Variants in ADAMTS6 observed in about 807,000 individuals in gnomAD.
The protein encoded by ADAMTS6 is ADAM metallopeptidase with thrombospondin type 1 motif 6.
ADAMTS6 carries 23 observed loss-of-function variants against 144.3 expected under a neutral mutation model. That is an observed-to-expected ratio of 0.16 (90% CI 0.11 to 0.23). ADAMTS6 has a LOEUF of 0.23. ADAMTS6 is among the 10% of genes least tolerant of loss of function. ADAMTS6 has a pLI of 1.00. For synonymous variants in ADAMTS6, 444 were observed against 457.5 expected (o/e 0.97, Z 0.38); for missense variants, 999 against 1,379.6 (o/e 0.72, Z 4.37).
chr5:65,329,226 T>G (rs112644613), intron 9 of ADAMTS6, 152 bp downstream of exon 9: 1 of 648,848 alleles, frequency 1.5e-6, no homozygotes, highest in Admixed American at 3.3e-5. Context: ...CTTCAGGTGA[T>G]TTATCCCAAT....
At chr5:65,480,845 G>A (rs1351350145) in intron 1 of ADAMTS6, among the ~76,000 whole-genome samples, 4 of 151,984 alleles carry the variant, frequency 2.6e-5, no homozygotes, top group East Asian at 1.9e-4. Flanking sequence ...CTAGAGCATC[G>A]GGGCTACAGC....
Position 65,247,139 on chromosome 5 carries a change from T to C in ADAMTS6, c.1831-4933A>G, listed in dbSNP as rs192027716. 1.9e-3 allele frequency among the ~76,000 whole-genome samples: 284 copies of C among 152,270 alleles called. 2 individuals are homozygous for C. The highest frequency in any genetic ancestry group is 6.5e-3 in the African/African-American group (272 of 41,552). The stretch of plus-strand genomic sequence containing the variant: ...GCGTCTTCTCCTTTAAAAAACAAAC[T>C]AGCAGGGCCCCACATAAATCTGGAG... On this transcript the variant is annotated intron_variant, in intron 14 of 24. Coordinates refer to ENST00000381055, the MANE Select transcript of ADAMTS6 (RefSeq NM_197941.4).
At chr5:65,195,194 A>G (rs908579398) in intron 21 of ADAMTS6, among the ~76,000 whole-genome samples, 3 of 152,228 alleles carry the variant, frequency 2.0e-5, no homozygotes, top group Non-Finnish European at 4.4e-5. Flanking sequence ...AAATTGGCCC[A>G]TGGATTTTGA....
At chr5:65,391,841 T>C (rs1752946837) in intron 7 of ADAMTS6, among the ~76,000 whole-genome samples, 1 of 151,884 alleles carries the variant, frequency 6.6e-6, no homozygotes, top group Non-Finnish European at 1.5e-5. Context: ...ATTCAAGCAA[T>C]TCCCATGCCT....
At chr5:65,338,902 T>C (rs546979615) in intron 7 of ADAMTS6, among the ~76,000 whole-genome samples, 1 of 151,330 alleles carries the variant, frequency 6.6e-6, no homozygotes, top group African/African-American at 2.4e-5. Context: ...ATGCCTGCAT[T>C]ACAGGCCTGA....
intron 7 of ADAMTS6, among the ~76,000 whole-genome samples, chr5:65,348,033 C>T (rs1161586666): frequency 6.6e-6 from 1 of 151,996 alleles, no homozygotes; most frequent in African/African-American, 2.4e-5. Context: ...ACAAGTGTTA[C>T]AGAAGATGTA....
chr5:65,191,705 A>G (rs1010655650), intron 21 of ADAMTS6, among the ~76,000 whole-genome samples: 1 of 151,990 alleles, frequency 6.6e-6, no homozygotes, highest in Non-Finnish European at 1.5e-5. Flanking sequence ...AATAAAAAGA[A>G]TTTTTTTTCA....
chr5:65,300,204 T>A, intron 9 of ADAMTS6, 73 bp from the exon 10 acceptor site: 1 of 1,463,310 alleles, frequency 6.8e-7, no homozygotes, highest in Non-Finnish European at 9.3e-7. Context: ...ATTTCCTTAT[T>A]TGGCCATTTA....
chr5:65,376,754 C>G (rs778368108), intron 7 of ADAMTS6, among the ~76,000 whole-genome samples: 74 of 152,108 alleles, frequency 4.9e-4, no homozygotes, highest in Non-Finnish European at 8.4e-4. Flanking sequence ...TCACTTGAGC[C>G]TGGGAGGTAG....
rs746479517 is a variant in ADAMTS6 at position 65,328,569 on chromosome 5, C to G, written c.1223+809G>C. Among the ~76,000 whole-genome samples, 3 of 151,608 alleles carry G rather than the reference C, an allele frequency of 2.0e-5. No homozygotes were observed. The East Asian group carries it at 5.8e-4, about 29-fold the overall frequency. ...AAATCCTGTTAGTAAATTGGAAGCT[C>G]GTTTGTTTAGTTTTTACCTTTATAA... On this transcript the variant is annotated intron_variant, in intron 9 of 24. Coordinates refer to ENST00000381055, the MANE Select transcript of ADAMTS6 (RefSeq NM_197941.4).
chr5:65,388,675 C>T (rs1033513073), intron 7 of ADAMTS6, among the ~76,000 whole-genome samples: 3 of 152,014 alleles, frequency 2.0e-5, no homozygotes, highest in Non-Finnish European at 2.9e-5. Flanking sequence ...ATCTTGATGA[C>T]GATCTTTTAA....
At chr5:65,187,953 C>G in intron 22 of ADAMTS6, 63 bp downstream of exon 22, 4 of 1,531,016 alleles carry the variant, frequency 2.6e-6, no homozygotes, top group Non-Finnish European at 3.6e-6. Flanking sequence ...TTAATATTAA[C>G]TGCTTTAGGA....
chr5:65,345,228 T>G (rs1413878797), intron 7 of ADAMTS6, among the ~76,000 whole-genome samples: 2 of 151,672 alleles, frequency 1.3e-5, no homozygotes, highest in African/African-American at 4.8e-5. Flanking sequence ...TCTAATAACC[T>G]TCCAATTTCC....
chr5:65,223,966 A>T (rs1472117967), intron 18 of ADAMTS6, among the ~76,000 whole-genome samples: 2 of 151,460 alleles, frequency 1.3e-5, no homozygotes, highest in Non-Finnish European at 2.9e-5. Flanking sequence ...CACCCAGCTA[A>T]TTTTTCTGTA....
At chr5:65,439,183 A>C (rs1378220265) in intron 7 of ADAMTS6, among the ~76,000 whole-genome samples, 1 of 152,184 alleles carries the variant, frequency 6.6e-6, no homozygotes, top group Admixed American at 6.5e-5. Context: ...AAGAAAGAAA[A>C]AAAAAGTAGA....
intron 11 of ADAMTS6, among the ~76,000 whole-genome samples, chr5:65,283,513 A>C (rs1466246759): frequency 6.6e-6 from 1 of 152,132 alleles, no homozygotes; most frequent in Non-Finnish European, 1.5e-5. Context: ...AAAAACTAGT[A>C]ATCTTTAAAG....
At chr5:65,388,188 T>C in intron 7 of ADAMTS6, among the ~76,000 whole-genome samples, 1 of 152,020 alleles carries the variant, frequency 6.6e-6, no homozygotes, top group Non-Finnish European at 1.5e-5. Flanking sequence ...CTGCCTGGGC[T>C]ACAGAGTGAG....
At chr5:65,313,932 A>G (rs1478265158) in intron 9 of ADAMTS6, among the ~76,000 whole-genome samples, 1 of 152,108 alleles carries the variant, frequency 6.6e-6, no homozygotes, top group Non-Finnish European at 1.5e-5. Flanking sequence ...TGTTTACCTC[A>G]GTTCCCATTA....
intron 10 of ADAMTS6, among the ~76,000 whole-genome samples, chr5:65,297,538 A>AT (rs1281945400): frequency 6.6e-6 from 1 of 152,204 alleles, no homozygotes; most frequent in Non-Finnish European, 1.5e-5. Context: ...AAGCTAAAAT[A>AT]AAATGTTATG....
Sources: allele counts gnomAD v4.1 joint callset (sites outside exome capture counted in the v4.1 genomes callset), GRCh38; gene constraint gnomAD v4.1.1; transcripts MANE v1.5; gene names NCBI Gene and HGNC (gene_info 2026-07-23, HGNC 2026-07-21).